Variants in TFCP2 observed in about 807,000 individuals in gnomAD.
TFCP2 encodes the protein transcription factor CP2.
Under a neutral mutation model 73.4 loss-of-function variants are expected in TFCP2, and 33 were observed. The ratio of observed to expected loss-of-function variants is 0.45; its 90% confidence interval spans 0.34 to 0.60. TFCP2 has a LOEUF of 0.60. Among genes scored for constraint, TFCP2 ranks in the 20% least tolerant of loss-of-function variants. TFCP2 has a pLI of 0.01. For missense variants in TFCP2, 352 were observed against 604.0 expected (o/e 0.58, Z 4.37); for synonymous variants, 193 against 211.6 (o/e 0.91, Z 0.76).
chr12:51,124,509 G>C (rs2136992914), intron 1 of TFCP2: 1 of 384,152 alleles, frequency 2.6e-6, no homozygotes, highest in Admixed American at 3.6e-5. Flanking sequence ...TTCTGGGGTA[G>C]GGGGGTAAGG....
chr12:51,098,928 G>C lies in TFCP2; in HGVS notation c.1277-10C>G, dbSNP rs762595173. 2 of 1,613,646 alleles carry C rather than the reference G, an allele frequency of 1.2e-6. No homozygotes were observed. The highest frequency in any genetic ancestry group is 1.3e-5 in the African/African-American group (1 of 74,886). On this transcript the variant is annotated splice_polypyrimidine_tract_variant and intron_variant, in intron 12 of 14. Coordinates refer to ENST00000257915, the MANE Select transcript of TFCP2 (RefSeq NM_005653.5). ...TAGATAGCATGGTAAACTGCAAAAG[G>C]GAGAGAGCAACAGCAGTCAGTACAA...
chr12:51,113,390 A>C (rs1161821609), intron 4 of TFCP2, among the ~76,000 whole-genome samples: 2 of 152,208 alleles, frequency 1.3e-5, no homozygotes, highest in East Asian at 3.8e-4. Context: ...CCTATGACTT[A>C]GGAAAAACAA....
Position 51,128,478 on chromosome 12 carries a change from T to A in TFCP2, c.123-9706A>T, listed in dbSNP as rs199605011. Among the ~76,000 whole-genome samples the A allele has an allele frequency of 2.2e-3, 308 of 137,232 alleles. 3 individuals are homozygous for A. The highest frequency in any genetic ancestry group is 0.015 in the Admixed American group (209 of 13,778). 90.0% of individuals were successfully genotyped at this position (137,232 alleles called of 152,430 possible). A position where few individuals can be genotyped will look rare whatever the true frequency, so the allele number is the denominator to read the frequency against. ...TACCCTAAAACTTAAAGTATAATAA[T>A]AAAAAAAAAAAAAACAAAAAAAACA... On this transcript the variant is annotated intron_variant, in intron 1 of 14. Transcript: ENST00000257915.
chr12:51,161,931 A>G (rs948106254), intron 1 of TFCP2, among the ~76,000 whole-genome samples: 2 of 151,478 alleles, frequency 1.3e-5, no homozygotes, highest in Non-Finnish European at 2.9e-5. Flanking sequence ...GGAAATCAGG[A>G]GAACAATGTA....
chr12:51,147,411 C>G (rs1941321469), intron 1 of TFCP2, among the ~76,000 whole-genome samples: 1 of 151,900 alleles, frequency 6.6e-6, no homozygotes, highest in South Asian at 2.1e-4. Context: ...TTTGTGTACA[C>G]AAAGTCCCAA....
Position 51,099,666 on chromosome 12 carries a change from C to T in TFCP2, c.1265G>A (p.Gly422Asp), listed in dbSNP as rs1940060561. The T allele has an allele frequency of 6.2e-7, 1 of 1,614,172 alleles. No individual in the cohort carries two copies. Among genetic ancestry groups the T allele is most frequent in the South Asian group, 1.1e-5 (1 of 91,078 alleles). The change falls in exon 12 of 15, where the codon GGT (glycine) becomes GAT (aspartate). Residue 422 changes from glycine to aspartate, a missense_variant. Physicochemically the swap from Gly to Asp is moderately conservative, Grantham distance 94. Coordinates refer to ENST00000257915, the MANE Select transcript of TFCP2 (RefSeq NM_005653.5). ...QQKHEDGDSN[G>D]TFFVYHAIYL... ...CCAGAACAACCTACCGAAGAAAGTA[C>T]CATTTGAGTCTCCATCCTCATGCTT...
intron 1 of TFCP2, among the ~76,000 whole-genome samples, chr12:51,156,278 G>C (rs1408617896): frequency 6.6e-6 from 1 of 151,534 alleles, no homozygotes; most frequent in Non-Finnish European, 1.5e-5. Context: ...AGTACCTCAG[G>C]AAACTTTCAA....
intron 1 of TFCP2, among the ~76,000 whole-genome samples, chr12:51,167,353 GA>G (rs1454904617): frequency 6.6e-6 from 1 of 151,920 alleles, no homozygotes; most frequent in Non-Finnish European, 1.5e-5. Flanking sequence ...GCTTGTCAAA[GA>G]GAGTATTTTC....
In TFCP2 at chr12:51,118,775, AAAAT is replaced by A. The variant is rs1218829755; in HGVS notation, c.123-7_123-4del. The A allele has an allele frequency of 6.2e-7, 1 of 1,613,884 alleles. No homozygotes were observed. ...AAATGGGCAATGCAAGGACATCACT[AAAAT>A]AAAACAAATGACTCACATTAATACC... On this transcript the variant is annotated splice_region_variant and splice_polypyrimidine_tract_variant and intron_variant, in intron 1 of 14. Coordinates refer to ENST00000257915, the MANE Select transcript of TFCP2 (RefSeq NM_005653.5).
chr12:51,117,751 G>A lies in TFCP2; in HGVS notation c.275-4C>T. On this transcript the variant is annotated splice_region_variant and splice_polypyrimidine_tract_variant and intron_variant, in intron 2 of 14. Transcript: ENST00000257915. ...ATTCGAATTTCATAAGACTGTCCTAGAAGAAAAAGTAATTACATATTATAT... is the reference window on the plus strand; with the variant it reads ...ATTCGAATTTCATAAGACTGTCCTAAAAGAAAAAGTAATTACATATTATAT... 1 of 1,598,090 alleles carries A rather than the reference G, an allele frequency of 6.3e-7. No individual in the cohort carries two copies. Among genetic ancestry groups the A allele is most frequent in the Non-Finnish European group, 8.5e-7 (1 of 1,170,646 alleles).
chr12:51,095,924 GTACTTTGCC>G, intron 14 of TFCP2, 56 bp downstream of exon 14: 1 of 1,241,462 alleles, frequency 8.1e-7, no homozygotes, highest in Non-Finnish European at 1.1e-6. Flanking sequence ...AAAGAAGTAT[GTACTTTGCC>G]TAGTAGTAGT....
chr12:51,098,008 C>T (rs1295357416), intron 13 of TFCP2, among the ~76,000 whole-genome samples: 1 of 150,874 alleles, frequency 6.6e-6, no homozygotes, highest in Non-Finnish European at 1.5e-5. Flanking sequence ...GAGTGAGACT[C>T]TGTCTCAAAA....
rs780461059 is a variant in TFCP2, at chr12:51,107,228, C to A, written c.828+8G>T. Reference sequence around the variant, plus strand: ...AACTGAAATTGTCACCAAAAGAAATCTTTTTACCTCTGTGAGTATGGTTGT... The same window carrying A: ...AACTGAAATTGTCACCAAAAGAAATATTTTTACCTCTGTGAGTATGGTTGT... On this transcript the variant is annotated splice_region_variant and intron_variant, in intron 7 of 14. Coordinates refer to ENST00000257915, the MANE Select transcript of TFCP2 (RefSeq NM_005653.5). The A allele has an allele frequency of 4.4e-6, 7 of 1,582,544 alleles. No individual in the cohort carries two copies. The highest frequency in any genetic ancestry group is 1.2e-5 in the South Asian group (1 of 85,722).
At chr12:51,134,343 G>A (rs1235428336) in intron 1 of TFCP2, among the ~76,000 whole-genome samples, 2 of 152,018 alleles carry the variant, frequency 1.3e-5, no homozygotes, top group African/African-American at 2.4e-5. Flanking sequence ...GGAGTCCGGT[G>A]GTGCAATCTT....
intron 1 of TFCP2, among the ~76,000 whole-genome samples, chr12:51,122,752 C>T (rs1279048982): frequency 6.6e-6 from 1 of 152,092 alleles, no homozygotes; most frequent in Non-Finnish European, 1.5e-5. Flanking sequence ...ACTGTAGAAA[C>T]ATAGAGTTTT....
In TFCP2 at chr12:51,142,501, T is replaced by C. The variant is rs76858132; in HGVS notation, c.123-23729A>G. ...AACCTATATGCCCTTGAAACCATCTTCTCTTTTGCTCCTGATGCAACGAAG... is the reference window on the plus strand; with the variant it reads ...AACCTATATGCCCTTGAAACCATCTCCTCTTTTGCTCCTGATGCAACGAAG... On this transcript the variant is annotated intron_variant, in intron 1 of 14. Transcript: ENST00000257915. Among the ~76,000 whole-genome samples the C allele has an allele frequency of 7.9e-3, 1,208 of 152,172 alleles. 21 individuals carry two copies. Among genetic ancestry groups the C allele is most frequent in the African/African-American group, 0.027 (1,141 of 41,522 alleles).
chr12:51,094,165 G>A lies in TFCP2; in HGVS notation c.*1076C>T, dbSNP rs1939901627. ...GAGAGAGGAAACAGAAAGCAGGGAT[G>A]AGACTAACTCATTAATAAATAGTTT... On this transcript the variant is annotated 3_prime_UTR_variant, in exon 15 of 15. Coordinates refer to ENST00000257915, the MANE Select transcript of TFCP2 (RefSeq NM_005653.5). 1 of 152,228 alleles carries A rather than the reference G, an allele frequency of 6.6e-6. No individual in the cohort carries two copies. 9.4% of individuals were successfully genotyped at this position (152,228 alleles called of 1,614,324 possible).
intron 1 of TFCP2, among the ~76,000 whole-genome samples, chr12:51,120,033 G>T (rs1213732661): frequency 6.6e-6 from 1 of 151,792 alleles, no homozygotes; most frequent in Admixed American, 6.6e-5. Flanking sequence ...ACAAAAATTA[G>T]CTGGGTGTGG....
In TFCP2 at chr12:51,109,195, T is replaced by C. The variant is rs752249051; in HGVS notation, c.643A>G (p.Thr215Ala). ...KGVPFRVQID[T>A]FKENENGEYT... ...TCCCCGTTTTCATTCTCCTTGAAGG[T>C]ATCTATTTGTACTCGGAATGGCACC... Residue 215 changes from threonine to alanine, a missense_variant, in exon 6 of 15, where the codon ACC becomes GCC. Around this residue, in one of 6 missense-constraint regions of TFCP2, gnomAD observed 47 missense variants for 89.1 expected, o/e 0.53. Transcript: ENST00000257915. 6.2e-7 allele frequency: 1 copy of C among 1,614,172 alleles called. No individual in the cohort carries two copies. The highest frequency in any genetic ancestry group is 8.5e-7 in the Non-Finnish European group (1 of 1,180,014).
Sources: gnomAD v4.1 joint callset for allele counts (sites outside exome capture counted in the v4.1 genomes callset) on GRCh38, gnomAD v4.1.1 for gene constraint, gnomAD v4.1.1 regional missense constraint, MANE v1.5 for transcripts, NCBI Gene and HGNC (gene_info 2026-07-23, HGNC 2026-07-21) for gene names.